The following STK39 variants were observed in gnomAD, a reference collection of about 807,000 sequenced individuals.
STK39 encodes STE20/SPS1-related proline-alanine-rich protein kinase.
A neutral mutation model predicts 77.8 loss-of-function variants in STK39; 20 were observed. The observed-to-expected ratio is 0.26, with a 90% CI of 0.18 to 0.37. The LOEUF is 0.37. STK39 is among the 10% of genes least tolerant of loss of function. The pLI, the probability that STK39 is intolerant of heterozygous loss-of-function variation, is 1.00. For synonymous variants in STK39, 246 were observed against 234.1 expected (o/e 1.05, Z -0.47); for missense variants, 479 against 656.5 (o/e 0.73, Z 2.95).
intron 2 of STK39, among the ~76,000 whole-genome samples, chr2:168,168,413 A>AT (rs1688740888): frequency 6.6e-6 from 1 of 152,204 alleles, no homozygotes; most frequent in Admixed American, 6.5e-5. Flanking sequence ...TCAAGGTGCC[A>AT]TAAAAAGGAC....
chr2:168,126,747 G>A (rs77374722), intron 10 of STK39, among the ~76,000 whole-genome samples: 8,213 of 152,210 alleles, frequency 0.054, 431 homozygotes, highest in African/African-American at 0.13. Context: ...GTCCCGGGCA[G>A]AGTATGTCAA....
At chr2:168,208,440 G>T (rs905850278) in intron 1 of STK39, among the ~76,000 whole-genome samples, 1 of 152,088 alleles carries the variant, frequency 6.6e-6, no homozygotes, top group East Asian at 1.9e-4. Flanking sequence ...TTTAGTCCAG[G>T]GTAGCATATT....
At chr2:168,051,947 T>C (rs184953141) in intron 14 of STK39, among the ~76,000 whole-genome samples, 215 of 152,076 alleles carry the variant, frequency 1.4e-3, no homozygotes, top group Non-Finnish European at 2.6e-3. Context: ...CTGATAGGTG[T>C]TTGGCTTCAC....
At chr2:168,197,221 G>A (rs544385508) in intron 1 of STK39, among the ~76,000 whole-genome samples, 3 of 152,310 alleles carry the variant, frequency 2.0e-5, no homozygotes, top group African/African-American at 4.8e-5. Flanking sequence ...ATATTTGGAC[G>A]TAGAGCCACA....
intron 14 of STK39, among the ~76,000 whole-genome samples, chr2:168,021,550 G>T (rs1019902696): frequency 6.6e-6 from 1 of 152,110 alleles, no homozygotes; most frequent in Non-Finnish European, 1.5e-5. Context: ...GGACACTCTT[G>T]ATTTCAGGGA....
At chr2:167,973,200 T>C (rs1036682769) in intron 16 of STK39, among the ~76,000 whole-genome samples, 1 of 152,194 alleles carries the variant, frequency 6.6e-6, no homozygotes, top group Non-Finnish European at 1.5e-5. Context: ...TTTAGTAATC[T>C]TTGGGAAATA....
chr2:168,149,815 G>T (rs72872784), intron 5 of STK39, among the ~76,000 whole-genome samples: 8,631 of 152,306 alleles, frequency 0.057, 329 homozygotes, highest in Non-Finnish European at 0.092. Flanking sequence ...GCATCTCAAG[G>T]GGGAAGAAAA....
chr2:168,140,907 G>A, intron 5 of STK39, 149 bp from the exon 6 acceptor site: 1 of 605,762 alleles, frequency 1.7e-6, no homozygotes, highest in Non-Finnish European at 2.8e-6. Flanking sequence ...GGAAAAAAAA[G>A]GAAGACCTGC....
chr2:168,083,106 T>C (rs1167631547), intron 10 of STK39, among the ~76,000 whole-genome samples: 1 of 152,222 alleles, frequency 6.6e-6, no homozygotes, highest in African/African-American at 2.4e-5. Context: ...TTATATATTT[T>C]CTACCACATC....
At chr2:167,971,595 A>G (rs979914944) in intron 16 of STK39, among the ~76,000 whole-genome samples, 12 of 152,248 alleles carry the variant, frequency 7.9e-5, no homozygotes, top group African/African-American at 2.9e-4. Flanking sequence ...AGAAAGCAGT[A>G]GAGTCTTACA....
At chr2:168,164,359 C>T (rs780644631) in intron 3 of STK39, among the ~76,000 whole-genome samples, 14 of 152,070 alleles carry the variant, frequency 9.2e-5, no homozygotes, top group Non-Finnish European at 1.8e-4. Context: ...TGCTTATAAC[C>T]GGAAGATTCC....
At position 168,247,214 on chromosome 2, in the gene STK39, C is replaced by A; in HGVS notation, c.208+14G>T. 1 of 1,201,528 alleles carries A rather than the reference C, an allele frequency of 8.3e-7. No individual in the cohort carries two copies. The highest frequency in any genetic ancestry group is 1.0e-6 in the Non-Finnish European group (1 of 963,410). The allele number at this position is 1,201,528 out of a possible 1,614,324, so 74.4% of individuals were successfully genotyped here. ...CCCGGCCTGTGCCGGCCCCGCCGCG[C>A]CCGCCGCACTGACCGATAACCTCCT... On this transcript the variant is annotated intron_variant, in intron 1 of 17. Coordinates refer to ENST00000355999, the MANE Select transcript of STK39 (RefSeq NM_013233.3).
At chr2:168,225,875 G>A (rs1005187782) in intron 1 of STK39, among the ~76,000 whole-genome samples, 17 of 152,256 alleles carry the variant, frequency 1.1e-4, no homozygotes, top group Middle Eastern at 3.4e-3. Flanking sequence ...CAAGGAGGGT[G>A]TCTGAGTTTA....
At chr2:167,956,688 A>ACACACACACACACACT (rs1310652406) in intron 17 of STK39, among the ~76,000 whole-genome samples, 2 of 46,242 alleles carry the variant, frequency 4.3e-5, no homozygotes, top group Non-Finnish European at 9.1e-5. Context: ...ACACACACAC[A>ACACACACACACACACT]CACACACACT....
chr2:168,246,666 C>T (rs1213610185), intron 1 of STK39, among the ~76,000 whole-genome samples: 3 of 152,188 alleles, frequency 2.0e-5, no homozygotes, highest in African/African-American at 7.2e-5. Context: ...GAGAGGCCAG[C>T]ATCCTCCCCG....
chr2:168,230,199 A>C (rs1278828916), intron 1 of STK39, among the ~76,000 whole-genome samples: 2 of 151,926 alleles, frequency 1.3e-5, no homozygotes, highest in African/African-American at 2.4e-5. Context: ...GGATTTTACC[A>C]CTCCTCCCAA....
At chr2:168,213,297 C>T (rs1689940201) in intron 1 of STK39, among the ~76,000 whole-genome samples, 2 of 152,294 alleles carry the variant, frequency 1.3e-5, no homozygotes, top group East Asian at 1.9e-4. Context: ...CCACATACCT[C>T]AAATGATTGC....
chr2:168,096,247 T>A (rs1686663883), intron 10 of STK39, among the ~76,000 whole-genome samples: 1 of 152,206 alleles, frequency 6.6e-6, no homozygotes, highest in African/African-American at 2.4e-5. Flanking sequence ...AGGATGTGAT[T>A]AGAATCCTTC....
Position 168,140,734 on chromosome 2 carries a change from G to T in STK39, c.653C>A (p.Ala218Glu). The T allele has an allele frequency of 6.2e-7, 1 of 1,608,828 alleles. No individual in the cohort carries two copies. ...ATTTCGGGTAACATCACCCCCTGTT[G>T]CTAGGAACGCACTTACCCCAAAATC... ...IADFGVSAFLATGGDVTRNKV... is the reference protein window; with the variant it reads ...IADFGVSAFLETGGDVTRNKV... Residue 218 changes from alanine (A) to glutamate (E), a missense_variant, in exon 6 of 18, where the codon GCA (alanine) becomes GAA (glutamate). Ala to Glu is a moderately radical substitution (Grantham distance 107). Coordinates refer to ENST00000355999, the MANE Select transcript of STK39 (RefSeq NM_013233.3).
Sources: gnomAD v4.1 joint callset for allele counts (sites outside exome capture counted in the v4.1 genomes callset) on GRCh38, gnomAD v4.1.1 for gene constraint, MANE v1.5 for transcripts, NCBI Gene and HGNC (gene_info 2026-07-23, HGNC 2026-07-21) for gene names.